Variants in KLHL6 observed in about 807,000 individuals in gnomAD.
The protein encoded by KLHL6 is kelch like family member 6, also known as kelch-like protein 6.
In KLHL6, 41 loss-of-function variants were observed where a neutral mutation model predicts 58.6. The observed-to-expected ratio is 0.70, with a 90% CI of 0.55 to 0.91. The LOEUF (loss-of-function observed/expected upper bound fraction) is 0.91. Ranked by LOEUF, KLHL6 falls within the 40% of genes least tolerant of loss-of-function variation. The probability of loss-of-function intolerance (pLI) is 0.00; values close to 1 mark genes in which losing one functional copy is unlikely to be tolerated. For missense variants in KLHL6, 714 were observed against 805.6 expected (o/e 0.89, Z 1.38); for synonymous variants, 338 against 322.7 (o/e 1.05, Z -0.51).
At chr3:183,550,163 T>C (rs1166555803) in intron 1 of KLHL6, among the ~76,000 whole-genome samples, 1 of 151,972 alleles carries the variant, frequency 6.6e-6, no homozygotes, top group Non-Finnish European at 1.5e-5. Flanking sequence ...GGTTGGAAGA[T>C]AAAATTGAGA....
intron 2 of KLHL6, among the ~76,000 whole-genome samples, chr3:183,511,030 G>A (rs1375978816): frequency 6.6e-6 from 1 of 152,112 alleles, no homozygotes; most frequent in Admixed American, 6.5e-5. Flanking sequence ...AAGAACAGTG[G>A]GCCCAGGGGA....
chr3:183,534,952 T>TATATA (rs1560107532), intron 1 of KLHL6, among the ~76,000 whole-genome samples: 4 of 138,232 alleles, frequency 2.9e-5, no homozygotes, highest in Admixed American at 1.4e-4. Context: ...ATATATATAT[T>TATATA]TTTTTTTTTT....
chr3:183,504,068 GA>G (rs1394734585), intron 3 of KLHL6, among the ~76,000 whole-genome samples: 1 of 152,148 alleles, frequency 6.6e-6, no homozygotes, highest in Middle Eastern at 3.2e-3. Flanking sequence ...AAGGATTTGG[GA>G]AAATAAGGCC....
chr3:183,491,626 G>A lies in KLHL6; in HGVS notation c.*301C>T. ...AGAAGTGATAAGAGCCAGTCACCAG[G>A]TTAAATGAACCGATAAAAGGAAGTG... On this transcript the variant is annotated 3_prime_UTR_variant, in exon 7 of 7. Coordinates refer to ENST00000341319, the MANE Select transcript of KLHL6 (RefSeq NM_130446.4). 3.4e-6 allele frequency: 1 copy of A among 293,514 alleles called. No homozygotes were observed. The highest frequency in any genetic ancestry group is 6.3e-6 in the Non-Finnish European group (1 of 158,794). The allele number at this position is 293,514 out of a possible 1,614,324, so 18.2% of individuals were successfully genotyped here. A position where few individuals can be genotyped will look rare whatever the true frequency, so the allele number is the denominator to read the frequency against.
intron 2 of KLHL6, 123 bp downstream of exon 2, chr3:183,527,722 G>T: frequency 1.3e-6 from 1 of 764,012 alleles, no homozygotes; most frequent in East Asian, 2.7e-5. Flanking sequence ...GTGTTTGTGT[G>T]CGTGTGTGTG....
chr3:183,548,169 GC>G lies in KLHL6; in HGVS notation c.293+7191del, dbSNP rs1213761550. ...AGGGTGTGCAAGGTGAAAAGACAGT[GC>G]GCTCTGAAAATATATGGGACCTCAC... On this transcript the variant is annotated intron_variant, in intron 1 of 6. Coordinates refer to ENST00000341319, the MANE Select transcript of KLHL6 (RefSeq NM_130446.4). Among the ~76,000 whole-genome samples the G allele has an allele frequency of 3.3e-5, 5 of 152,318 alleles. No homozygotes were observed. In the East Asian group the frequency reaches 9.6e-4, roughly 29 times the overall value.
chr3:183,540,425 G>A (rs1450981252), intron 1 of KLHL6, among the ~76,000 whole-genome samples: 1 of 152,128 alleles, frequency 6.6e-6, no homozygotes, highest in Non-Finnish European at 1.5e-5. Context: ...TTAATTCCAT[G>A]AGCAAATAAA....
At chr3:183,504,042 G>A (rs1360930402) in intron 3 of KLHL6, among the ~76,000 whole-genome samples, 1 of 152,116 alleles carries the variant, frequency 6.6e-6, no homozygotes, top group African/African-American at 2.4e-5. Context: ...AAATGAAGAT[G>A]AGAAAGTGCC....
chr3:183,507,041 G>A (rs943555112), intron 3 of KLHL6, among the ~76,000 whole-genome samples: 3 of 152,062 alleles, frequency 2.0e-5, no homozygotes, highest in Non-Finnish European at 4.4e-5. Flanking sequence ...TAGGACTAGA[G>A]CAGAAGTGGG....
chr3:183,491,814 C>T lies in KLHL6; in HGVS notation c.*113G>A. On this transcript the variant is annotated 3_prime_UTR_variant, in exon 7 of 7. Transcript: ENST00000341319. ...CCCCAAAGTGAGTCAAGGGGATCCC[C>T]TGATGTATGGCCTCAAACTCGAGCC... The T allele has an allele frequency of 2.1e-6, 2 of 961,966 alleles. No homozygotes were observed. The highest frequency in any genetic ancestry group is 2.9e-6 in the Non-Finnish European group (2 of 687,860). 59.6% of individuals were successfully genotyped at this position (961,966 alleles called of 1,614,324 possible). A position where few individuals can be genotyped will look rare whatever the true frequency, so the allele number is the denominator to read the frequency against.
At chr3:183,494,406 A>G in intron 4 of KLHL6, 125 bp from the exon 5 acceptor site, 1 of 727,958 alleles carries the variant, frequency 1.4e-6, no homozygotes, top group Non-Finnish European at 2.3e-6. Flanking sequence ...GGGAGATACA[A>G]GAAACCCAGC....
In KLHL6 at chr3:183,499,143, A is replaced by G. The variant is rs925023363; in HGVS notation, c.1147+447T>C. On this transcript the variant is annotated intron_variant, in intron 4 of 6. Transcript: ENST00000341319. The surrounding 1 kb of genome is among the most constrained non-coding windows in gnomAD (Gnocchi z 4.6). The stretch of plus-strand genomic sequence containing the variant: ...CATCACCTATGGTCAGGAGTTCAAG[A>G]CCAGCCTGGCCAACATGGTGAAACC... Among the ~76,000 whole-genome samples the G allele has an allele frequency of 1.3e-5, 2 of 152,134 alleles. No individual in the cohort carries two copies. The highest frequency in any genetic ancestry group is 2.9e-5 in the Non-Finnish European group (2 of 68,028).
At chr3:183,544,935 T>A (rs1313839988) in intron 1 of KLHL6, 1 of 151,778 alleles carries the variant, frequency 6.6e-6, no homozygotes, top group Non-Finnish European at 1.5e-5. Flanking sequence ...TCCCAGGGGT[T>A]TTTCAAGCCA....
rs145223525 is a variant in KLHL6, at chr3:183,532,245, C to T, written c.294-4235G>A. Among the ~76,000 whole-genome samples, 180 of 152,250 alleles carry T rather than the reference C, an allele frequency of 1.2e-3. 1 individual carries two copies. The South Asian group carries it at 0.013, about 11-fold the overall frequency. ...CACCTCACCACTCCTGCTCACGCAC[C>T]GAGGAAAGGCCATGTGAGGACACAG... On this transcript the variant is annotated intron_variant, in intron 1 of 6. Transcript: ENST00000341319.
At position 183,491,917 on chromosome 3, in the gene KLHL6, C is replaced by A. The variant is rs977527511; in HGVS notation, c.*10G>T. 1.2e-5 allele frequency: 18 copies of A among 1,467,500 alleles called. No homozygotes were observed. Among genetic ancestry groups the A allele is most frequent in the Non-Finnish European group, 1.6e-5 (18 of 1,105,334 alleles). The allele number at this position is 1,467,500 out of a possible 1,614,324, so 90.9% of individuals were successfully genotyped here. A position where few individuals can be genotyped will look rare whatever the true frequency, so the allele number is the denominator to read the frequency against. On this transcript the variant is annotated 3_prime_UTR_variant, in exon 7 of 7. Coordinates refer to ENST00000341319, the MANE Select transcript of KLHL6 (RefSeq NM_130446.4). ...GGGTCGGGGGGGCTCTCCAGCTCCC[C>A]ATCCTGCCGTCAGACAGACACTGCT... is the stretch of plus-strand genomic sequence containing the variant.
intron 1 of KLHL6, among the ~76,000 whole-genome samples, chr3:183,535,739 T>A (rs1015422485): frequency 6.6e-6 from 1 of 152,054 alleles, no homozygotes; most frequent in Admixed American, 6.6e-5. Context: ...CTCTCTAGGG[T>A]CATCTGGACT....
intron 1 of KLHL6, among the ~76,000 whole-genome samples, chr3:183,535,331 T>C (rs2108689486): frequency 6.6e-6 from 1 of 152,310 alleles, no homozygotes; most frequent in Middle Eastern, 3.4e-3. Context: ...AGCTACCATA[T>C]TAGACAGTGC....
At position 183,492,685 on chromosome 3, in the gene KLHL6, A is replaced by G; in HGVS notation, c.1373T>C (p.Val458Ala). 1 of 1,613,746 alleles carries G rather than the reference A, an allele frequency of 6.2e-7. No homozygotes were observed. The highest frequency in any genetic ancestry group is 8.5e-7 in the Non-Finnish European group (1 of 1,180,032). Residue 458 changes from valine to alanine, a missense_variant, in exon 6 of 7, where the codon GTC becomes GCC. This residue lies in a region of KLHL6 where 510 missense variants were observed against 629.7 expected (regional missense o/e 0.81). Transcript: ENST00000341319. This position sits in a 1 kb window ranked among gnomAD's most constrained non-coding sequence, Gnocchi z 5.9. ...ATGGCTGGTGGCTGCAAAGGAACTG[A>G]CATGGACAAGGAGGGGTGCGGCCTG... ...WSEAAPLLVH[V>A]SSFAATSHKK...
chr3:183,545,388 A>G (rs1199501960), intron 1 of KLHL6, among the ~76,000 whole-genome samples: 2 of 152,232 alleles, frequency 1.3e-5, no homozygotes, highest in African/African-American at 4.8e-5. Flanking sequence ...AAACATTTTC[A>G]TGGAGGGACA....
Sources: allele counts gnomAD v4.1 joint callset (sites outside exome capture counted in the v4.1 genomes callset), GRCh38; gene constraint gnomAD v4.1.1; regional missense constraint gnomAD v4.1.1; non-coding constraint Gnocchi (gnomAD v3.1); transcripts MANE v1.5; gene names NCBI Gene and HGNC (gene_info 2026-07-23, HGNC 2026-07-21).